Variants in GAS7 observed in about 807,000 individuals in gnomAD.
The protein encoded by GAS7 is growth arrest specific 7.
In GAS7, 28 loss-of-function variants were observed where a neutral mutation model predicts 71.1. The observed-to-expected ratio is 0.39, with a 90% CI of 0.29 to 0.54. The LOEUF (loss-of-function observed/expected upper bound fraction) is 0.54, where lower values mean the gene tolerates loss of function less well. Among genes scored for constraint, GAS7 ranks in the 20% least tolerant of loss-of-function variants. The pLI, the probability that GAS7 is intolerant of heterozygous loss-of-function variation, is 0.62. For missense variants in GAS7, 436 were observed against 627.8 expected, an observed-to-expected ratio of 0.69 and a Z score of 3.27; for synonymous variants, 258 against 245.8, an observed-to-expected ratio of 1.05 and a Z score of -0.46.
intron 8 of GAS7, among the ~76,000 whole-genome samples, chr17:9,935,841 G>A (rs1314514567): frequency 6.6e-6 from 1 of 152,226 alleles, no homozygotes; most frequent in African/African-American, 2.4e-5. Context: ...TCTGCCTGAA[G>A]GGCCTGAGAT....
chr17:9,959,303 A>G lies in GAS7; in HGVS notation c.472-48T>C. 1 of 1,613,406 alleles carries G rather than the reference A, an allele frequency of 6.2e-7. No individual in the cohort carries two copies. ...TCGTCAAAGCTGTTCTCCATATTGGACATTTTTTCCCCCCATTCAGGTTCC... is the reference window on the plus strand; with the variant it reads ...TCGTCAAAGCTGTTCTCCATATTGGGCATTTTTTCCCCCCATTCAGGTTCC... On this transcript the variant is annotated intron_variant, in intron 4 of 13. Transcript: ENST00000432992. The surrounding 1 kb of genome is among the most constrained non-coding windows in gnomAD (Gnocchi z 5.0).
chr17:10,054,285 A>G (rs1443682250), intron 1 of GAS7, among the ~76,000 whole-genome samples: 1 of 152,096 alleles, frequency 6.6e-6, no homozygotes, highest in Non-Finnish European at 1.5e-5. Flanking sequence ...AATAATGGCA[A>G]CTGTTCCACT....
In GAS7 at chr17:10,198,398, G is replaced by T; in HGVS notation, c.-8C>A. The T allele has an allele frequency of 6.4e-7, 1 of 1,570,076 alleles. No homozygotes were observed. Among genetic ancestry groups the T allele is most frequent in the Non-Finnish European group, 8.6e-7 (1 of 1,167,430 alleles). On this transcript the variant is annotated 5_prime_UTR_variant, in exon 1 of 14. Transcript: ENST00000432992. Reference sequence around the variant, plus strand: ...GCAGCGAGCGCCGGACATGGCCTTGGCGCCCGGGTTCACAGCGCAGCCTGC... The same window carrying T: ...GCAGCGAGCGCCGGACATGGCCTTGTCGCCCGGGTTCACAGCGCAGCCTGC...
At chr17:10,129,529 T>C (rs553999969) in intron 1 of GAS7, among the ~76,000 whole-genome samples, 1 of 152,102 alleles carries the variant, frequency 6.6e-6, no homozygotes, top group East Asian at 1.9e-4. Flanking sequence ...TGAGACCCCA[T>C]CTCAAAAACA....
intron 1 of GAS7, among the ~76,000 whole-genome samples, chr17:10,020,574 T>C (rs1332177860): frequency 1.3e-5 from 2 of 151,752 alleles, no homozygotes; most frequent in Non-Finnish European, 2.9e-5. Flanking sequence ...AAAATGTATA[T>C]GACATACAAA....
chr17:9,992,803 G>A (rs2070897000), intron 2 of GAS7, among the ~76,000 whole-genome samples: 1 of 139,280 alleles, frequency 7.2e-6, no homozygotes, highest in African/African-American at 2.7e-5. Flanking sequence ...CCCTTCCTGT[G>A]TCCCTGTGTT....
intron 1 of GAS7, among the ~76,000 whole-genome samples, chr17:10,021,829 T>TGTGTGCGTGTGTGTGC (rs1331058806): frequency 6.6e-6 from 1 of 152,136 alleles, no homozygotes; most frequent in Non-Finnish European, 1.5e-5. Context: ...ACAACGTGCA[T>TGTGTGCGTGTGTGTGC]GTGTGCGTGT....
chr17:10,049,071 T>C (rs114128018), intron 1 of GAS7, among the ~76,000 whole-genome samples: 4,751 of 152,294 alleles, frequency 0.031, 247 homozygotes, highest in African/African-American at 0.11. Flanking sequence ...ATGTTCCCTT[T>C]CTGTCCAGGC....
At chr17:10,083,948 T>C (rs947863393) in intron 1 of GAS7, among the ~76,000 whole-genome samples, 3 of 152,134 alleles carry the variant, frequency 2.0e-5, no homozygotes, top group African/African-American at 7.2e-5. Flanking sequence ...GGTCCAAGGA[T>C]TTAAATGGTA....
intron 1 of GAS7, among the ~76,000 whole-genome samples, chr17:10,162,418 CCTT>C (rs1369243754): frequency 5.3e-5 from 2 of 37,568 alleles, no homozygotes; most frequent in African/African-American, 2.3e-4. Context: ...TTTAATGTAT[CCTT>C]CAAGTTTCCT....
intron 2 of GAS7, among the ~76,000 whole-genome samples, chr17:10,007,628 A>AC (rs1162016125): frequency 8.8e-6 from 1 of 113,752 alleles, no homozygotes; most frequent in Non-Finnish European, 1.7e-5. Context: ...TCTGTCTCAA[A>AC]AAAAAAAAAA....
chr17:9,988,849 C>CTTT (rs554594604), intron 2 of GAS7, among the ~76,000 whole-genome samples: 6,201 of 131,686 alleles, frequency 0.047, 180 homozygotes, highest in South Asian at 0.066. Flanking sequence ...CTGTCATTTC[C>CTTT]TTTTTTTTTT....
chr17:9,915,515 A>G lies in GAS7; in HGVS notation c.*1713T>C, dbSNP rs1057209104. 2 of 227,924 alleles carry G rather than the reference A, an allele frequency of 8.8e-6. No homozygotes were observed. The highest frequency in any genetic ancestry group is 1.3e-4 in the East Asian group (2 of 15,890). The allele number at this position is 227,924 out of a possible 1,614,324, so 14.1% of individuals were successfully genotyped here. ...CTTTGTGCTGACCTTTTTGGTTGCAATGTTTCAAGAACAAGAGAAAAGTGA... is the reference window on the plus strand; with the variant it reads ...CTTTGTGCTGACCTTTTTGGTTGCAGTGTTTCAAGAACAAGAGAAAAGTGA... On this transcript the variant is annotated 3_prime_UTR_variant, in exon 14 of 14. Transcript: ENST00000432992.
chr17:10,109,886 T>C (rs2073793922), intron 1 of GAS7, among the ~76,000 whole-genome samples: 1 of 152,094 alleles, frequency 6.6e-6, no homozygotes. Context: ...AAACCCCCTC[T>C]GTACTAAAAA....
chr17:10,015,288 AAGAAG>A (rs2071948994), intron 2 of GAS7, among the ~76,000 whole-genome samples: 1 of 152,218 alleles, frequency 6.6e-6, no homozygotes, highest in Non-Finnish European at 1.5e-5. Flanking sequence ...CCCTCTGGAA[AAGAAG>A]AGATTAGGGA....
chr17:10,173,385 GA>G (rs912553298), intron 1 of GAS7, among the ~76,000 whole-genome samples: 1 of 151,660 alleles, frequency 6.6e-6, no homozygotes, highest in Non-Finnish European at 1.5e-5. Context: ...AAGAGGGAGA[GA>G]AAAAAAATGA....
chr17:9,970,950 C>G (rs1050712907), intron 3 of GAS7, among the ~76,000 whole-genome samples: 5 of 152,188 alleles, frequency 3.3e-5, no homozygotes, highest in Admixed American at 2.0e-4. Flanking sequence ...TAAGCTTAGA[C>G]GAGCAGCTTC....
At chr17:10,083,675 G>A (rs1401719013) in intron 1 of GAS7, among the ~76,000 whole-genome samples, 2 of 152,226 alleles carry the variant, frequency 1.3e-5, no homozygotes, top group East Asian at 3.8e-4. Flanking sequence ...TAAATACAGA[G>A]GGGACACAGG....
intron 1 of GAS7, among the ~76,000 whole-genome samples, chr17:10,192,134 A>G (rs1164945751): frequency 6.6e-6 from 1 of 152,208 alleles, no homozygotes; most frequent in Non-Finnish European, 1.5e-5. Context: ...AAACTTTCAC[A>G]ACGTCACAAC....
Sources: gnomAD v4.1 joint callset for allele counts (sites outside exome capture counted in the v4.1 genomes callset) on GRCh38, gnomAD v4.1.1 for gene constraint, Gnocchi (gnomAD v3.1) non-coding constraint, MANE v1.5 for transcripts, NCBI Gene and HGNC (gene_info 2026-07-23, HGNC 2026-07-21) for gene names.